Variants in GALNT14 observed in about 807,000 individuals in gnomAD.
GALNT14 encodes the protein polypeptide N-acetylgalactosaminyltransferase 14.
A neutral mutation model predicts 77.5 loss-of-function variants in GALNT14; 60 were observed. The ratio of observed to expected loss-of-function variants is 0.77; its 90% CI spans 0.63 to 0.96. GALNT14 has a LOEUF of 0.96. GALNT14 is among the 40% of genes least tolerant of loss of function. The probability of loss-of-function intolerance (pLI) is 0.00; values close to 1 mark genes in which losing one functional copy is unlikely to be tolerated. For synonymous variants in GALNT14, 280 were observed against 281.7 expected (o/e 0.99, Z 0.06); for missense variants, 710 against 731.0 (o/e 0.97, Z 0.33).
At chr2:31,135,594 G>A (rs1679193656) in intron 1 of GALNT14, among the ~76,000 whole-genome samples, 1 of 152,136 alleles carries the variant, frequency 6.6e-6, no homozygotes, top group Admixed American at 6.5e-5. Flanking sequence ...GTTCTAGAAG[G>A]ATACAGAAAA....
intron 1 of GALNT14, among the ~76,000 whole-genome samples, chr2:31,001,135 C>T (rs1670345127): frequency 6.6e-6 from 1 of 152,082 alleles, no homozygotes; most frequent in African/African-American, 2.4e-5. Context: ...AGGACCACAG[C>T]CAGCTCTGGC....
At chr2:30,886,954 T>C in the GALNT14 span, among the ~76,000 whole-genome samples, 16,970 of 152,302 alleles carry the variant, frequency 0.11, 1,080 homozygotes, top group African/African-American at 0.13. Context: ...TCTGTCTTCA[T>C]GGATTGACTT....
At chr2:30,902,509 G>A in the GALNT14 span, among the ~76,000 whole-genome samples, 1 of 151,946 alleles carries the variant, frequency 6.6e-6, no homozygotes, top group Non-Finnish European at 1.5e-5. Flanking sequence ...GGAGGCCAGG[G>A]GGACAACTAA....
the GALNT14 span, among the ~76,000 whole-genome samples, chr2:30,905,079 A>G: frequency 6.6e-6 from 1 of 152,202 alleles, no homozygotes; most frequent in Non-Finnish European, 1.5e-5. Flanking sequence ...ATCATCAAAG[A>G]CCAAAAGTAA....
chr2:31,123,772 A>T (rs1678542373), intron 1 of GALNT14, among the ~76,000 whole-genome samples: 1 of 152,172 alleles, frequency 6.6e-6, no homozygotes, highest in Non-Finnish European at 1.5e-5. Flanking sequence ...GGTAAATTTA[A>T]AAGCAATTGT....
chr2:30,945,663 T>G (rs1666648649), intron 7 of GALNT14, 120 bp downstream of exon 7: 11 of 776,622 alleles, frequency 1.4e-5, no homozygotes, highest in Non-Finnish European at 2.4e-5. Context: ...ATAGTGCAGG[T>G]TGCAGGCTGA....
intron 1 of GALNT14, among the ~76,000 whole-genome samples, chr2:31,081,084 T>C (rs1676132156): frequency 6.6e-6 from 1 of 152,220 alleles, no homozygotes; most frequent in Admixed American, 6.5e-5. Flanking sequence ...AACACATCCT[T>C]ATCTAAGACA....
chr2:31,055,510 G>A (rs1259201389), intron 1 of GALNT14, among the ~76,000 whole-genome samples: 1 of 152,110 alleles, frequency 6.6e-6, no homozygotes. Flanking sequence ...GAGGCCAAAG[G>A]GGCTGTTATG....
At chr2:30,996,120 G>C (rs1670015313) in intron 1 of GALNT14, among the ~76,000 whole-genome samples, 1 of 152,162 alleles carries the variant, frequency 6.6e-6, no homozygotes, top group Non-Finnish European at 1.5e-5. Flanking sequence ...ATCTCATCCA[G>C]AAACACCCTC....
intron 2 of GALNT14, among the ~76,000 whole-genome samples, chr2:30,983,310 G>GT (rs112190929): frequency 0.044 from 6,676 of 151,480 alleles, 227 homozygotes; most frequent in East Asian, 0.18. Flanking sequence ...CTTTCAGTCT[G>GT]TTTTTTTTGT....
At chr2:30,943,378 G>T (rs1380113561) in intron 8 of GALNT14, among the ~76,000 whole-genome samples, 1 of 152,148 alleles carries the variant, frequency 6.6e-6, no homozygotes, top group East Asian at 1.9e-4. Flanking sequence ...CCGTTCAGTG[G>T]ATCCAGAGGG....
In GALNT14 at chr2:30,939,170, G is replaced by A. The variant is rs566837966; in HGVS notation, c.931+3031C>T. ...CCCCAGGTTTGGTAGAAGGCTGGGCGGCAGACACAGAAGAAGAAAGAGACA... is the reference window on the plus strand; with the variant it reads ...CCCCAGGTTTGGTAGAAGGCTGGGCAGCAGACACAGAAGAAGAAAGAGACA... On this transcript the variant is annotated intron_variant, in intron 9 of 14. Transcript: ENST00000349752. 2.7e-4 allele frequency among the ~76,000 whole-genome samples: 41 copies of A among 152,292 alleles called. 1 individual carries two copies. The South Asian group carries it at 6.8e-3, about 25-fold the overall frequency.
chr2:30,972,388 T>C (rs560773445), intron 2 of GALNT14, among the ~76,000 whole-genome samples: 5 of 152,338 alleles, frequency 3.3e-5, no homozygotes, highest in East Asian at 1.9e-4. Context: ...GAACCTTCGC[T>C]GCTTGGAGCT....
At chr2:30,994,323 A>G (rs528735828) in intron 1 of GALNT14, among the ~76,000 whole-genome samples, 1 of 152,242 alleles carries the variant, frequency 6.6e-6, no homozygotes, top group East Asian at 1.9e-4. Context: ...GCACTCGGGA[A>G]ACCTGACCAG....
intron 13 of GALNT14, among the ~76,000 whole-genome samples, chr2:30,916,281 C>G (rs1032583144): frequency 1.3e-5 from 2 of 152,192 alleles, no homozygotes; most frequent in Non-Finnish European, 2.9e-5. Context: ...TTGAGTTGGT[C>G]TGGTGATAAT....
At chr2:30,941,091 G>C (rs781464099) in intron 9 of GALNT14, among the ~76,000 whole-genome samples, 3 of 152,252 alleles carry the variant, frequency 2.0e-5, no homozygotes, top group Non-Finnish European at 4.4e-5. Context: ...GACAATGCAT[G>C]GATTACTGCT....
Position 31,137,974 on chromosome 2 carries a change from T to G in GALNT14, c.113A>C (p.Glu38Ala), listed in dbSNP as rs764999248. Residue 38 changes from glutamate (E) to alanine (A), a missense_variant, in exon 1 of 15, where the codon GAA becomes GCA. Physicochemically the swap from Glu to Ala is moderately radical, Grantham distance 107. Transcript: ENST00000349752. ...GCCGCCTACCTTAGGGGTCTGCACT[T>G]CAGGTCCCGTCGGCACCTCCAACTT... ...KRKLEVPTGP[E>A]VQTPKPSDAD... The G allele has an allele frequency of 2.5e-6, 4 of 1,613,322 alleles. No individual in the cohort carries two copies. Among genetic ancestry groups the G allele is most frequent in the Non-Finnish European group, 3.4e-6 (4 of 1,179,578 alleles).
At chr2:31,061,537 A>G (rs1674591222) in intron 1 of GALNT14, among the ~76,000 whole-genome samples, 1 of 152,130 alleles carries the variant, frequency 6.6e-6, no homozygotes. Context: ...ATGACCATAA[A>G]TTTCCTAAAA....
intron 1 of GALNT14, among the ~76,000 whole-genome samples, chr2:31,055,183 C>T (rs946696390): frequency 6.6e-6 from 1 of 152,204 alleles, no homozygotes; most frequent in Non-Finnish European, 1.5e-5. Flanking sequence ...TCTGCAGGCT[C>T]GCTGCTCTCA....
Sources: gnomAD v4.1 joint callset for allele counts (sites outside exome capture counted in the v4.1 genomes callset) on GRCh38, gnomAD v4.1.1 for gene constraint, MANE v1.5 for transcripts, NCBI Gene and HGNC (gene_info 2026-07-23, HGNC 2026-07-21) for gene names.